The following FABP12 variants were observed in gnomAD, a reference collection of about 807,000 sequenced individuals.
The protein encoded by FABP12 is fatty acid binding protein 12.
Under a neutral mutation model 13.7 loss-of-function variants are expected in FABP12, and 19 were observed. The ratio of observed to expected loss-of-function variants is 1.39; its 90% CI spans 0.97 to 2.04. The LOEUF (loss-of-function observed/expected upper bound fraction) is 2.04. Among genes scored for constraint, FABP12 ranks in the 30% most tolerant of loss-of-function variants. The pLI is 0.00. For synonymous variants in FABP12, 61 were observed against 57.0 expected, an observed-to-expected ratio of 1.07 and a Z score of -0.32; for missense variants, 182 against 164.2, an observed-to-expected ratio of 1.11 and a Z score of -0.59.
chr8:81,556,472 C>T (rs1374242080), intron 1 of FABP12, among the ~76,000 whole-genome samples: 1 of 152,050 alleles, frequency 6.6e-6, no homozygotes, highest in Non-Finnish European at 1.5e-5. Context: ...TCATTGAGTA[C>T]TTCTTCTTAT....
chr8:81,578,646 C>T (rs563151528), intron 1 of FABP12, among the ~76,000 whole-genome samples: 73 of 151,202 alleles, frequency 4.8e-4, no homozygotes, highest in African/African-American at 1.0e-3. Context: ...CCACCATGCC[C>T]GGCTAATTTT....
intron 1 of FABP12, among the ~76,000 whole-genome samples, chr8:81,558,043 G>A (rs564418997): frequency 1.3e-5 from 2 of 152,222 alleles, no homozygotes; most frequent in African/African-American, 4.8e-5. Context: ...GAGCACAGCA[G>A]AGCCAGATTG....
intron 1 of FABP12, among the ~76,000 whole-genome samples, chr8:81,578,710 TCTTGACCTTGTGATCCGTCCA>T (rs539108662): frequency 0.016 from 2,358 of 151,668 alleles, 52 homozygotes; most frequent in African/African-American, 0.054. Context: ...GGTCTTGATC[TCTTGACCTTGTGATCCGTCCA>T]CCTCGGCCTC....
intron 1 of FABP12, among the ~76,000 whole-genome samples, chr8:81,581,093 G>C (rs1321922494): frequency 6.6e-6 from 1 of 152,126 alleles, no homozygotes; most frequent in Non-Finnish European, 1.5e-5. Flanking sequence ...AAAATCAACA[G>C]GACGGGGAAA....
intron 1 of FABP12, among the ~76,000 whole-genome samples, chr8:81,589,209 C>T: frequency 6.6e-6 from 1 of 152,248 alleles, no homozygotes; most frequent in South Asian, 2.1e-4. Context: ...TGGGAGGAAT[C>T]TTCAAATTAA....
intron 2 of FABP12, among the ~76,000 whole-genome samples, chr8:81,539,306 TAGTA>T (rs1477211093): frequency 6.6e-6 from 1 of 151,444 alleles, no homozygotes; most frequent in Admixed American, 6.6e-5. Flanking sequence ...TTATAAGTAA[TAGTA>T]AGTTATTATG....
chr8:81,549,564 A>G (rs1809493997), intron 1 of FABP12, among the ~76,000 whole-genome samples: 1 of 152,190 alleles, frequency 6.6e-6, no homozygotes, highest in Admixed American at 6.5e-5. Flanking sequence ...TAATTTATAG[A>G]GCAAGATTTA....
chr8:81,574,388 T>G (rs116364745), intron 1 of FABP12, among the ~76,000 whole-genome samples: 2,651 of 152,234 alleles, frequency 0.017, 74 homozygotes, highest in African/African-American at 0.06. Context: ...TATCTATGTT[T>G]ATCAAGGATA....
chr8:81,560,475 G>T (rs1809704550), intron 1 of FABP12, among the ~76,000 whole-genome samples: 1 of 152,014 alleles, frequency 6.6e-6, no homozygotes, highest in Admixed American at 6.6e-5. Context: ...AAATAGCCTT[G>T]TTTTATTGGC....
At chr8:81,547,268 C>T (rs143960700) in intron 1 of FABP12, among the ~76,000 whole-genome samples, 1 of 152,334 alleles carries the variant, frequency 6.6e-6, no homozygotes, top group Non-Finnish European at 1.5e-5. Context: ...GTGGAGTTCA[C>T]ACATACACAC....
intron 1 of FABP12, among the ~76,000 whole-genome samples, chr8:81,547,407 G>C (rs1213068271): frequency 6.6e-6 from 1 of 152,150 alleles, no homozygotes; most frequent in Non-Finnish European, 1.5e-5. Flanking sequence ...TTGCAAGTAA[G>C]GTTTGGGACC....
At chr8:81,529,694 T>A (rs887216608) in intron 2 of FABP12, 84 bp from the exon 3 acceptor site, 2 of 1,247,688 alleles carry the variant, frequency 1.6e-6, no homozygotes, top group African/African-American at 1.5e-5. Flanking sequence ...TTAAATCTGT[T>A]GTTGACTCCA....
intron 1 of FABP12, among the ~76,000 whole-genome samples, chr8:81,586,622 T>A (rs551242959): frequency 2.6e-5 from 4 of 152,236 alleles, no homozygotes; most frequent in Non-Finnish European, 5.9e-5. Flanking sequence ...CCTGTCCTTG[T>A]TGCCCACCTG....
chr8:81,560,774 G>C (rs550920672), intron 1 of FABP12, among the ~76,000 whole-genome samples: 1 of 152,168 alleles, frequency 6.6e-6, no homozygotes, highest in Non-Finnish European at 1.5e-5. Context: ...GTTCCCCCAG[G>C]AGCACACAAG....
intron 3 of FABP12, 123 bp from the exon 4 acceptor site, chr8:81,527,244 A>C (rs1039538672): frequency 5.8e-6 from 3 of 515,546 alleles, no homozygotes; most frequent in African/African-American, 5.8e-5. Context: ...TGGTATTGAC[A>C]ACTCTATTTA....
At chr8:81,586,648 G>T (rs1334702572) in intron 1 of FABP12, among the ~76,000 whole-genome samples, 1 of 152,124 alleles carries the variant, frequency 6.6e-6, no homozygotes, top group African/African-American at 2.4e-5. Context: ...CTTCTTTTGA[G>T]AAGTGTCTGT....
chr8:81,560,895 G>A (rs1325663934), intron 1 of FABP12, among the ~76,000 whole-genome samples: 4 of 152,158 alleles, frequency 2.6e-5, no homozygotes, highest in South Asian at 2.1e-4. Flanking sequence ...AGTAACCTCC[G>A]TGTTGAACTC....
chr8:81,572,123 C>G (rs1330507108), intron 1 of FABP12, among the ~76,000 whole-genome samples: 1 of 150,806 alleles, frequency 6.6e-6, no homozygotes, highest in Non-Finnish European at 1.5e-5. Flanking sequence ...TCTTCCCCCC[C>G]AAGTCCCCAA....
upstream of FABP12, among the ~76,000 whole-genome samples, chr8:81,538,304 C>G (rs2129978657): frequency 6.6e-6 from 1 of 152,298 alleles, no homozygotes; most frequent in Non-Finnish European, 1.5e-5. Flanking sequence ...AGGGTGTAAG[C>G]ACCCAAACTA....
Sources: gnomAD v4.1 joint callset for allele counts (sites outside exome capture counted in the v4.1 genomes callset) on GRCh38, gnomAD v4.1.1 for gene constraint, MANE v1.5 for transcripts, NCBI Gene and HGNC (gene_info 2026-07-23, HGNC 2026-07-21) for gene names.